Variants in CRACDL observed in about 807,000 individuals in gnomAD.
The protein encoded by CRACDL is CRACD-like protein.
Under a neutral mutation model 70.6 loss-of-function variants are expected in CRACDL, and 26 were observed. That is an observed-to-expected ratio of 0.37 (90% CI 0.27 to 0.51). CRACDL has a LOEUF of 0.51. Ranked by LOEUF, CRACDL falls within the 20% of genes least tolerant of loss-of-function variation. CRACDL has a pLI of 0.94. For missense variants in CRACDL, 1,283 were observed against 1,376.9 expected, an observed-to-expected ratio of 0.93 and a Z score of 1.08; for synonymous variants, 618 against 615.2, an observed-to-expected ratio of 1.00 and a Z score of -0.07.
chr2:98,893,157 A>G (rs548541795), intron 1 of CRACDL, among the ~76,000 whole-genome samples: 81 of 152,298 alleles, frequency 5.3e-4, no homozygotes, highest in African/African-American at 1.9e-3. Context: ...CCATTCTCCA[A>G]GGTAATCCTC....
At chr2:98,795,005 G>A (rs1459670683) in intron 9 of CRACDL, among the ~76,000 whole-genome samples, 3 of 134,668 alleles carry the variant, frequency 2.2e-5, no homozygotes, top group Non-Finnish European at 4.7e-5. Flanking sequence ...TGGCTAAGAT[G>A]GTAAATTCTG....
chr2:98,867,731 G>C (rs984110838), intron 1 of CRACDL, among the ~76,000 whole-genome samples: 3 of 152,324 alleles, frequency 2.0e-5, no homozygotes, highest in African/African-American at 7.2e-5. Flanking sequence ...CTGAGTGAGA[G>C]CTATGACTCG....
intron 7 of CRACDL, among the ~76,000 whole-genome samples, chr2:98,807,372 G>C (rs972490537): frequency 2.0e-5 from 3 of 152,224 alleles, no homozygotes; most frequent in Non-Finnish European, 2.9e-5. Flanking sequence ...GGGCTGGATA[G>C]GTCTTTGTTG....
At chr2:98,838,582 G>T (rs770194001) in intron 2 of CRACDL, among the ~76,000 whole-genome samples, 31 of 152,212 alleles carry the variant, frequency 2.0e-4, no homozygotes, top group Admixed American at 9.2e-4. Context: ...ATCAAGTTTT[G>T]ATTTCTAAAA....
At chr2:98,801,497 G>T (rs1299723466) in intron 7 of CRACDL, among the ~76,000 whole-genome samples, 1 of 152,250 alleles carries the variant, frequency 6.6e-6, no homozygotes, top group Non-Finnish European at 1.5e-5. Flanking sequence ...TCTGTGGCAG[G>T]GGCCTAGGAG....
chr2:98,799,769 C>G (rs1349262616), intron 7 of CRACDL, among the ~76,000 whole-genome samples: 6 of 152,174 alleles, frequency 3.9e-5, no homozygotes, highest in Admixed American at 2.6e-4. Flanking sequence ...AACCACCCAA[C>G]CCCAAATCCC....
chr2:98,848,704 C>G (rs562945955), intron 1 of CRACDL, among the ~76,000 whole-genome samples: 1 of 152,138 alleles, frequency 6.6e-6, no homozygotes, highest in African/African-American at 2.4e-5. Flanking sequence ...CCACCTCAGC[C>G]CCCCCACAAA....
intron 1 of CRACDL, among the ~76,000 whole-genome samples, chr2:98,869,881 C>T (rs1707283215): frequency 6.6e-6 from 1 of 152,170 alleles, no homozygotes; most frequent in Admixed American, 6.5e-5. Context: ...GCTCCTTTAC[C>T]AGGGACCTGC....
At chr2:98,852,993 G>A (rs1454210340) in intron 1 of CRACDL, among the ~76,000 whole-genome samples, 1 of 106,242 alleles carries the variant, frequency 9.4e-6, no homozygotes, top group Non-Finnish European at 2.0e-5. Context: ...GAGAGAGAGG[G>A]AGGAGAGGGG....
At chr2:98,819,739 A>G (rs2104456814) in intron 7 of CRACDL, among the ~76,000 whole-genome samples, 2 of 151,992 alleles carry the variant, frequency 1.3e-5, no homozygotes, top group South Asian at 4.2e-4. Flanking sequence ...CTTAGGGTGC[A>G]GGATTCCCTA....
In CRACDL at chr2:98,858,512, CA is replaced by C. The variant is rs370742460; in HGVS notation, c.-10-11703del. ...CCTGGGTGACAGAGTGAGACTCTGT[CA>C]AAAAAAAAAAAAAAAAAAAGAAGAA... On this transcript the variant is annotated intron_variant, in intron 1 of 9. Coordinates refer to ENST00000397899, the MANE Select transcript of CRACDL (RefSeq NM_207362.3). 8.4e-3 allele frequency among the ~76,000 whole-genome samples: 471 copies of C among 56,278 alleles called. 1 individual carries two copies. The highest frequency in any genetic ancestry group is 0.016 in the African/African-American group (286 of 17,930). 36.9% of individuals were successfully genotyped at this position (56,278 alleles called of 152,430 possible). A position where few individuals can be genotyped will look rare whatever the true frequency, so the allele number is the denominator to read the frequency against.
chr2:98,833,848 T>G (rs1305875860), intron 3 of CRACDL, among the ~76,000 whole-genome samples: 1 of 152,142 alleles, frequency 6.6e-6, no homozygotes, highest in Non-Finnish European at 1.5e-5. Flanking sequence ...CCCCACCCAC[T>G]TCCCTCCTGC....
intron 1 of CRACDL, among the ~76,000 whole-genome samples, chr2:98,880,187 C>T (rs1707606378): frequency 6.6e-6 from 1 of 152,212 alleles, no homozygotes; most frequent in Non-Finnish European, 1.5e-5. Context: ...ACTGTAGTCA[C>T]TAAGGGAGCA....
intron 1 of CRACDL, among the ~76,000 whole-genome samples, chr2:98,927,344 G>A (rs1034293088): frequency 6.6e-6 from 1 of 152,228 alleles, no homozygotes; most frequent in Non-Finnish European, 1.5e-5. Flanking sequence ...GGTGGTTCCT[G>A]AGCATGCGGC....
chr2:98,822,225 G>T lies in CRACDL; in HGVS notation c.2048C>A (p.Pro683His), dbSNP rs1267411625. The T allele has an allele frequency of 6.2e-7, 1 of 1,606,870 alleles. No individual in the cohort carries two copies. Among genetic ancestry groups the T allele is most frequent in the Admixed American group, 1.7e-5 (1 of 59,936 alleles). ...GAGGGAGGTGGACCGGAGCTTGACG[G>T]GGAAGGGGTTTCTGTCCTCACTCGG... ...PAPSEDRNPF[P>H]VKLRSTSLSL... The change falls in exon 7 of 10, where the codon CCC (proline) becomes CAC (histidine). Residue 683 changes from proline to histidine, a missense_variant. Coordinates refer to ENST00000397899, the MANE Select transcript of CRACDL (RefSeq NM_207362.3). The surrounding 1 kb of genome is among the most constrained non-coding windows in gnomAD (Gnocchi z 4.9).
intron 1 of CRACDL, among the ~76,000 whole-genome samples, chr2:98,906,046 A>G (rs1174050502): frequency 6.6e-6 from 1 of 151,832 alleles, no homozygotes; most frequent in Non-Finnish European, 1.5e-5. Flanking sequence ...TCTCCCTCTC[A>G]TCTCCTAAAT....
intron 1 of CRACDL, among the ~76,000 whole-genome samples, chr2:98,853,666 A>C (rs1462478074): frequency 1.3e-5 from 2 of 152,310 alleles, no homozygotes; most frequent in African/African-American, 4.8e-5. Context: ...ATTTAAATGC[A>C]TATAACAACT....
intron 1 of CRACDL, among the ~76,000 whole-genome samples, chr2:98,859,751 G>T (rs917878723): frequency 6.6e-6 from 1 of 152,144 alleles, no homozygotes; most frequent in Non-Finnish European, 1.5e-5. Context: ...TAAGAAAAAA[G>T]ACAAGGACAT....
At chr2:98,901,522 G>T (rs1287655598) in intron 1 of CRACDL, among the ~76,000 whole-genome samples, 1 of 152,226 alleles carries the variant, frequency 6.6e-6, no homozygotes, top group Non-Finnish European at 1.5e-5. Flanking sequence ...CAAGCAAACT[G>T]GGGGCCGCAG....
Sources: allele counts gnomAD v4.1 joint callset (sites outside exome capture counted in the v4.1 genomes callset), GRCh38; gene constraint gnomAD v4.1.1; non-coding constraint Gnocchi (gnomAD v3.1); transcripts MANE v1.5; gene names NCBI Gene and HGNC (gene_info 2026-07-23, HGNC 2026-07-21).